Variants in PYHIN1 observed in about 807,000 individuals in gnomAD.
The protein encoded by PYHIN1 is pyrin and HIN domain family member 1.
PYHIN1 carries 32 observed loss-of-function variants against 43.7 expected under a neutral mutation model. The observed-to-expected ratio is 0.73, with a 90% CI of 0.55 to 0.98. The LOEUF (loss-of-function observed/expected upper bound fraction) is 0.98, where lower values mean the gene tolerates loss of function less well. Among genes scored for constraint, PYHIN1 ranks in the 50% least tolerant of loss-of-function variants. PYHIN1 has a pLI of 0.00. For synonymous variants in PYHIN1, 205 were observed against 203.1 expected, an observed-to-expected ratio of 1.01 and a Z score of -0.08; for missense variants, 588 against 589.5, an observed-to-expected ratio of 1.00 and a Z score of 0.03.
chr1:158,942,585 C>T (rs1410669017), intron 5 of PYHIN1, among the ~76,000 whole-genome samples, 186 bp downstream of exon 5: 3 of 152,160 alleles, frequency 2.0e-5, no homozygotes, highest in African/African-American at 7.2e-5. Context: ...TTAATGTTCT[C>T]ATTCTTTCCA....
At chr1:158,956,679 T>C (rs1324030524) in intron 7 of PYHIN1, among the ~76,000 whole-genome samples, 5 of 151,184 alleles carry the variant, frequency 3.3e-5, no homozygotes, top group Non-Finnish European at 7.4e-5. Flanking sequence ...AAGCATTCCC[T>C]TTGAAAACTG....
In PYHIN1 at chr1:158,936,914, G is replaced by T. The variant is rs1368234132; in HGVS notation, c.4G>T (p.Ala2Ser). 1.3e-6 allele frequency: 2 copies of T among 1,574,496 alleles called. No homozygotes were observed. The highest frequency in any genetic ancestry group is 1.2e-5 in the South Asian group (1 of 82,748). The change falls in exon 2 of 9, where the codon GCA (alanine) becomes TCA (serine). Residue 2 changes from alanine (A) to serine (S), a missense_variant. Ala to Ser is a moderately conservative substitution (Grantham distance 99). Transcript: ENST00000368140. M[A>S]NNYKKIVLLK... ...AGGCTCACTTATATCTTTAGAGATG[G>T]CAAATAACTACAAGAAAATTGTTCT...
At chr1:158,962,121 G>C (rs1377252047) in intron 7 of PYHIN1, among the ~76,000 whole-genome samples, 3 of 152,106 alleles carry the variant, frequency 2.0e-5, no homozygotes, top group Non-Finnish European at 4.4e-5. Flanking sequence ...AGTGTGTGGT[G>C]ATTAGGGACT....
At chr1:158,969,632 A>C (rs1650824055) in intron 7 of PYHIN1, among the ~76,000 whole-genome samples, 1 of 151,762 alleles carries the variant, frequency 6.6e-6, no homozygotes, top group South Asian at 2.1e-4. Flanking sequence ...AATCTAACCT[A>C]TTTGCCATCT....
At chr1:158,937,862 G>A (rs1478585712) in intron 2 of PYHIN1, among the ~76,000 whole-genome samples, 3 of 151,522 alleles carry the variant, frequency 2.0e-5, no homozygotes, top group Non-Finnish European at 4.4e-5. Context: ...GGAGAATGGC[G>A]TGAACCCGAG....
At chr1:158,939,434 CTGCAGG>C in intron 4 of PYHIN1, 187 bp downstream of exon 4, 1 of 1,553,354 alleles carries the variant, frequency 6.4e-7, no homozygotes, top group Non-Finnish European at 8.7e-7. Flanking sequence ...TTATCTCTGA[CTGCAGG>C]AAGTTTTCTG....
chr1:158,942,195 G>A lies in PYHIN1; in HGVS notation c.798G>A (p.Lys266=), dbSNP rs761980990. ...ACTTGAAGAGGAAATTCATTAAAAA[G>A]AGAATCATCATTATATCAAATTATT... ...NINLKRKFIK[K]RIIIISNYSK... The change falls in exon 5 of 9, where the codon AAG becomes AAA. Residue 266 remains lysine, a synonymous_variant. Coordinates refer to ENST00000368140, the MANE Select transcript of PYHIN1 (RefSeq NM_152501.5). The A allele has an allele frequency of 8.1e-5, 130 of 1,613,842 alleles. No homozygotes were observed. Among genetic ancestry groups the A allele is most frequent in the Non-Finnish European group, 1.0e-4 (121 of 1,179,888 alleles).
chr1:158,962,182 G>C (rs1650360475), intron 7 of PYHIN1, among the ~76,000 whole-genome samples: 1 of 152,158 alleles, frequency 6.6e-6, no homozygotes, highest in South Asian at 2.1e-4. Flanking sequence ...TGGCCAGACT[G>C]TTTTATACGT....
the PYHIN1 span, among the ~76,000 whole-genome samples, chr1:158,985,039 G>A: frequency 1.3e-5 from 2 of 151,736 alleles, no homozygotes; most frequent in African/African-American, 4.8e-5. Flanking sequence ...TTTAATTTAA[G>A]CCTGTGTCTT....
At chr1:158,940,788 C>A (rs190765280) in intron 4 of PYHIN1, among the ~76,000 whole-genome samples, 1 of 152,272 alleles carries the variant, frequency 6.6e-6, no homozygotes, top group East Asian at 1.9e-4. Flanking sequence ...ACTTAATTAA[C>A]TTTACGTGAA....
At chr1:158,945,184 G>A in intron 7 of PYHIN1, 142 bp downstream of exon 7, 1 of 787,602 alleles carries the variant, frequency 1.3e-6, no homozygotes, top group Non-Finnish European at 2.0e-6. Flanking sequence ...TTTATTGAAT[G>A]CATACAGTGA....
Position 158,937,090 on chromosome 1 carries a change from CG to C in PYHIN1, c.182del (p.Gly61ValfsTer5). ...TGGAGGAAAAGTTCCCAGGTGATGC[CG>C]GTTTGGGCAAACTAATAGAATTCTT... is the stretch of plus-strand genomic sequence containing the variant. ...LMEEKFPGDA[G>X]LGKLIEFFKE... On this transcript the variant is annotated frameshift_variant, in exon 2 of 9. Coordinates refer to ENST00000368140, the MANE Select transcript of PYHIN1 (RefSeq NM_152501.5). LOFTEE classifies it high-confidence loss of function. 6.2e-7 allele frequency: 1 copy of C among 1,613,960 alleles called. No homozygotes were observed. The highest frequency in any genetic ancestry group is 8.5e-7 in the Non-Finnish European group (1 of 1,179,936).
intron 7 of PYHIN1, among the ~76,000 whole-genome samples, chr1:158,950,960 G>A (rs1352041839): frequency 1.3e-5 from 2 of 152,172 alleles, no homozygotes; most frequent in African/African-American, 2.4e-5. Context: ...CAGGAAGAAC[G>A]TGTGCACTAA....
intron 7 of PYHIN1, among the ~76,000 whole-genome samples, chr1:158,947,864 A>G (rs1331714585): frequency 6.6e-6 from 1 of 152,262 alleles, no homozygotes; most frequent in Admixed American, 6.5e-5. Flanking sequence ...GAAGTAAACA[A>G]GCTATTTAGA....
At chr1:158,974,691 G>A (rs1651145383) in intron 8 of PYHIN1, among the ~76,000 whole-genome samples, 1 of 151,990 alleles carries the variant, frequency 6.6e-6, no homozygotes, top group African/African-American at 2.4e-5. Context: ...TCAATTTGTG[G>A]TCGTTTTTTG....
chr1:158,954,269 C>G (rs1102004), intron 7 of PYHIN1, among the ~76,000 whole-genome samples: 2 of 42,054 alleles, frequency 4.8e-5, no homozygotes, highest in Non-Finnish European at 1.0e-4. Context: ...AGATACTCCT[C>G]GAGAAGAGCA....
At chr1:158,983,752 T>A in the PYHIN1 span, among the ~76,000 whole-genome samples, 1 of 152,170 alleles carries the variant, frequency 6.6e-6, no homozygotes, top group Admixed American at 6.5e-5. Flanking sequence ...AATTCAGATG[T>A]GAATCTGTCT....
At chr1:158,942,535 A>G in intron 5 of PYHIN1, 136 bp downstream of exon 5, 1 of 658,938 alleles carries the variant, frequency 1.5e-6, no homozygotes, top group Non-Finnish European at 2.5e-6. Flanking sequence ...ACAAGTAGAT[A>G]AAGTCTTCTT....
Position 158,933,820 on chromosome 1 carries a change from C to T in PYHIN1, c.-21+2044C>T, listed in dbSNP as rs1322352776. The stretch of plus-strand genomic sequence containing the variant: ...CTGTTTCTCTTTTCTTTGATCAGGG[C>T]TTTCTTTTTAAGTCATAGGCACACA... On this transcript the variant is annotated intron_variant, in intron 1 of 8. Transcript: ENST00000368140. The surrounding 1 kb of genome is among the most constrained non-coding windows in gnomAD (Gnocchi z 6.3). 6.6e-6 allele frequency among the ~76,000 whole-genome samples: 1 copy of T among 151,958 alleles called. No homozygotes were observed. Among genetic ancestry groups the T allele is most frequent in the Non-Finnish European group, 1.5e-5 (1 of 67,932 alleles).
Sources: allele counts gnomAD v4.1 joint callset (sites outside exome capture counted in the v4.1 genomes callset), GRCh38; gene constraint gnomAD v4.1.1; non-coding constraint Gnocchi (gnomAD v3.1); transcripts MANE v1.5; gene names NCBI Gene and HGNC (gene_info 2026-07-23, HGNC 2026-07-21).